The following CNTNAP2 variants were observed in gnomAD, a reference collection of about 807,000 sequenced individuals.
The protein encoded by CNTNAP2 is contactin-associated protein-like 2.
Under a neutral mutation model 155.2 loss-of-function variants are expected in CNTNAP2, and 98 were observed. The observed-to-expected ratio is 0.63, with a 90% CI of 0.54 to 0.75. The LOEUF (loss-of-function observed/expected upper bound fraction) is 0.75. CNTNAP2 is among the 30% of genes least tolerant of loss of function. The pLI is 0.00. For synonymous variants in CNTNAP2, 651 were observed against 631.2 expected, an observed-to-expected ratio of 1.03 and a Z score of -0.47; for missense variants, 1,727 against 1,688.1, an observed-to-expected ratio of 1.02 and a Z score of -0.40.
At chr7:147,521,082 A>G (rs1004588310) in intron 11 of CNTNAP2, among the ~76,000 whole-genome samples, 1 of 152,164 alleles carries the variant, frequency 6.6e-6, no homozygotes, top group Non-Finnish European at 1.5e-5. Context: ...TAAGTCAAAA[A>G]TGCCTATCTT....
chr7:146,747,384 T>A (rs954570172), intron 1 of CNTNAP2, among the ~76,000 whole-genome samples: 1 of 152,186 alleles, frequency 6.6e-6, no homozygotes, highest in Non-Finnish European at 1.5e-5. Context: ...ACATCCTATC[T>A]CTGTGTACAT....
intron 13 of CNTNAP2, among the ~76,000 whole-genome samples, chr7:147,771,342 T>A (rs1417648441): frequency 5.3e-5 from 8 of 152,192 alleles, no homozygotes. Flanking sequence ...ACTGAAGAAC[T>A]GTGCATGAAA....
At chr7:148,290,957 T>C (rs1364078843) in intron 21 of CNTNAP2, among the ~76,000 whole-genome samples, 1 of 152,182 alleles carries the variant, frequency 6.6e-6, no homozygotes, top group African/African-American at 2.4e-5. Context: ...AATTATTACT[T>C]GAAATGGGTT....
At position 147,108,129 on chromosome 7, in the gene CNTNAP2, T is replaced by G. The variant is rs1219025533; in HGVS notation, c.551-18T>G. 6 of 1,047,652 alleles carry G rather than the reference T, an allele frequency of 5.7e-6. No individual in the cohort carries two copies. The highest frequency in any genetic ancestry group is 7.9e-6 in the Non-Finnish European group (6 of 761,044). 64.9% of individuals were successfully genotyped at this position (1,047,652 alleles called of 1,614,324 possible). On this transcript the variant is annotated intron_variant, in intron 4 of 23. Transcript: ENST00000361727. ...CATACATGGCTGAACTAATATGTTA[T>G]TTTTTTTTTTGTTTTAGGGGCTGAT...
At chr7:146,737,445 C>T (rs1801639550) in intron 1 of CNTNAP2, among the ~76,000 whole-genome samples, 4 of 152,048 alleles carry the variant, frequency 2.6e-5, no homozygotes, top group Admixed American at 2.0e-4. Flanking sequence ...AACCCTAGCC[C>T]CTGGTAACCA....
intron 12 of CNTNAP2, 88 bp downstream of exon 12, chr7:147,562,345 T>C (rs1041634887): frequency 3.2e-6 from 5 of 1,543,022 alleles, no homozygotes; most frequent in Non-Finnish European, 4.5e-6. Flanking sequence ...TCTTTGGTGC[T>C]ATGTTTTTAT....
chr7:147,227,748 C>G (rs1200082024), intron 8 of CNTNAP2, among the ~76,000 whole-genome samples: 1 of 152,072 alleles, frequency 6.6e-6, no homozygotes, highest in Admixed American at 6.6e-5. Flanking sequence ...ACTTTGGGCT[C>G]TCTACTCATG....
chr7:146,244,753 G>A (rs6976272), intron 1 of CNTNAP2, among the ~76,000 whole-genome samples: 19,160 of 150,886 alleles, frequency 0.13, 3,426 homozygotes, highest in African/African-American at 0.4. Flanking sequence ...AAACTGAGGA[G>A]TTATGTCTGA....
chr7:147,772,391 C>G (rs1797483499), intron 13 of CNTNAP2, among the ~76,000 whole-genome samples: 1 of 120,816 alleles, frequency 8.3e-6, no homozygotes, highest in East Asian at 2.4e-4. Flanking sequence ...CAGAGTGACA[C>G]TTTGTCTAAA....
intron 8 of CNTNAP2, among the ~76,000 whole-genome samples, chr7:147,285,267 G>C (rs1805151229): frequency 7.1e-6 from 1 of 141,564 alleles, no homozygotes; most frequent in African/African-American, 2.5e-5. Flanking sequence ...CTGAGCCCCT[G>C]AGTGACTGGA....
At chr7:146,621,633 G>T (rs1374385040) in intron 1 of CNTNAP2, among the ~76,000 whole-genome samples, 1 of 152,154 alleles carries the variant, frequency 6.6e-6, no homozygotes, top group East Asian at 1.9e-4. Context: ...GAAGATCACA[G>T]ATGTGTCATT....
intron 15 of CNTNAP2, among the ~76,000 whole-genome samples, chr7:148,004,711 G>T (rs975687324): frequency 6.6e-6 from 1 of 152,124 alleles, no homozygotes; most frequent in Non-Finnish European, 1.5e-5. Flanking sequence ...TAATGAAAAT[G>T]CTTCATCTTT....
chr7:147,982,450 G>A (rs1801547659), intron 15 of CNTNAP2, among the ~76,000 whole-genome samples: 1 of 152,180 alleles, frequency 6.6e-6, no homozygotes, highest in Non-Finnish European at 1.5e-5. Context: ...GCAGGATTAA[G>A]ATGCAAATTC....
At chr7:148,403,520 C>T (rs1799634549) in intron 22 of CNTNAP2, among the ~76,000 whole-genome samples, 1 of 152,118 alleles carries the variant, frequency 6.6e-6, no homozygotes. Context: ...CAAATTTGGA[C>T]CTACTCACTG....
chr7:146,733,445 TAC>T (rs1801561112), intron 1 of CNTNAP2, among the ~76,000 whole-genome samples: 1 of 152,136 alleles, frequency 6.6e-6, no homozygotes. Flanking sequence ...ATAAAATATA[TAC>T]ATTTAAATTC....
At chr7:148,375,343 T>C (rs1404801547) in intron 21 of CNTNAP2, among the ~76,000 whole-genome samples, 1 of 147,860 alleles carries the variant, frequency 6.8e-6, no homozygotes, top group Non-Finnish European at 1.5e-5. Flanking sequence ...TATTTTTATA[T>C]ATATATAGTA....
chr7:147,876,630 C>A (rs1394955410), intron 13 of CNTNAP2, among the ~76,000 whole-genome samples: 1 of 107,702 alleles, frequency 9.3e-6, no homozygotes, highest in African/African-American at 3.6e-5. Flanking sequence ...TTTCCCTCCA[C>A]ATTTTTTTTT....
chr7:146,718,353 A>G (rs1374143449), intron 1 of CNTNAP2, among the ~76,000 whole-genome samples: 1 of 152,074 alleles, frequency 6.6e-6, no homozygotes, highest in Non-Finnish European at 1.5e-5. Context: ...AAAAATGAGG[A>G]CTGGAATAAA....
chr7:147,106,440 CGATT>C (rs1800766827), intron 4 of CNTNAP2, among the ~76,000 whole-genome samples: 1 of 151,940 alleles, frequency 6.6e-6, no homozygotes, highest in Non-Finnish European at 1.5e-5. Flanking sequence ...CAAAATTAAA[CGATT>C]GATTTTTTCC....
Sources: allele counts gnomAD v4.1 joint callset (sites outside exome capture counted in the v4.1 genomes callset), GRCh38; gene constraint gnomAD v4.1.1; transcripts MANE v1.5; gene names NCBI Gene and HGNC (gene_info 2026-07-23, HGNC 2026-07-21).